Variants in CDH22 observed in about 807,000 individuals in gnomAD.
CDH22 encodes cadherin-22.
A neutral mutation model predicts 58.4 loss-of-function variants in CDH22; 30 were observed. The observed-to-expected ratio is 0.51, with a 90% CI of 0.38 to 0.70. The LOEUF is 0.70. CDH22 is among the 30% of genes least tolerant of loss of function. The pLI is 0.00. For synonymous variants in CDH22, 513 were observed against 558.2 expected, an observed-to-expected ratio of 0.92 and a Z score of 1.14; for missense variants, 1,014 against 1,233.9, an observed-to-expected ratio of 0.82 and a Z score of 2.67.
At chr20:46,201,676 A>G (rs1378092498) in intron 7 of CDH22, among the ~76,000 whole-genome samples, 1 of 152,186 alleles carries the variant, frequency 6.6e-6, no homozygotes, top group East Asian at 1.9e-4. Flanking sequence ...GGCAAACTAT[A>G]AAGGGATGTG....
In CDH22 at chr20:46,174,211, C is replaced by A; in HGVS notation, c.*295G>T. The A allele has an allele frequency of 9.3e-6, 4 of 431,100 alleles. No individual in the cohort carries two copies. In the South Asian group the frequency reaches 1.3e-4, roughly 14 times the overall value. The allele number at this position is 431,100 out of a possible 1,614,324, so 26.7% of individuals were successfully genotyped here. ...CCAGGATTGAGTGACCCGCCCCTTC[C>A]CGACTCTGCAACGCCACCCCCATCT... On this transcript the variant is annotated 3_prime_UTR_variant, in exon 12 of 12. Transcript: ENST00000537909. The surrounding 1 kb of genome is among the most constrained non-coding windows in gnomAD (Gnocchi z 4.4).
chr20:46,178,584 G>GTTTTTTTTT (rs2085759363), intron 10 of CDH22, among the ~76,000 whole-genome samples: 1 of 76,182 alleles, frequency 1.3e-5, no homozygotes, highest in Non-Finnish European at 2.7e-5. Flanking sequence ...CCCTGGCGTT[G>GTTTTTTTTT]TCTTTTTTTT....
intron 7 of CDH22, among the ~76,000 whole-genome samples, chr20:46,203,950 G>A (rs956487536): frequency 1.4e-4 from 21 of 152,238 alleles, no homozygotes; most frequent in African/African-American, 4.8e-4. Flanking sequence ...GTGGCAGCTC[G>A]TGTGTGTGTG....
chr20:46,258,114 A>T (rs951948437), intron 1 of CDH22, among the ~76,000 whole-genome samples: 4 of 152,118 alleles, frequency 2.6e-5, no homozygotes, highest in Admixed American at 1.3e-4. Flanking sequence ...TGACTTGACC[A>T]TTGGAGTTAG....
chr20:46,262,754 C>T (rs1404362080), intron 1 of CDH22, among the ~76,000 whole-genome samples: 5 of 152,190 alleles, frequency 3.3e-5, no homozygotes, highest in African/African-American at 7.2e-5. Flanking sequence ...AAGCCTGCAC[C>T]TTTAGCCACT....
chr20:46,212,871 TG>T, intron 6 of CDH22, 123 bp downstream of exon 6: 1 of 781,862 alleles, frequency 1.3e-6, no homozygotes, highest in Non-Finnish European at 2.1e-6. Flanking sequence ...AGGTTGGTCC[TG>T]GACCTCTAGA....
chr20:46,298,624 A>G (rs1273143301), intron 1 of CDH22, among the ~76,000 whole-genome samples: 1 of 151,928 alleles, frequency 6.6e-6, no homozygotes, highest in Non-Finnish European at 1.5e-5. Context: ...GGATAAATGG[A>G]TGGATTGATG....
At chr20:46,195,613 GA>G (rs2085893897) in intron 8 of CDH22, among the ~76,000 whole-genome samples, 1 of 136,510 alleles carries the variant, frequency 7.3e-6, no homozygotes, top group African/African-American at 2.9e-5. Context: ...GTCTCCCCTA[GA>G]CCCCCCCCCC....
intron 4 of CDH22, among the ~76,000 whole-genome samples, chr20:46,225,161 A>G (rs1300404985): frequency 1.3e-5 from 2 of 152,222 alleles, no homozygotes; most frequent in East Asian, 3.9e-4. Context: ...TTTCGGCATT[A>G]TCTATCGAGA....
chr20:46,251,439 C>G lies in CDH22; in HGVS notation c.-145G>C. 1.0e-6 allele frequency: 1 copy of G among 979,092 alleles called. No homozygotes were observed. The highest frequency in any genetic ancestry group is 1.3e-6 in the Non-Finnish European group (1 of 742,404). 60.7% of individuals were successfully genotyped at this position (979,092 alleles called of 1,614,324 possible). A position where few individuals can be genotyped will look rare whatever the true frequency, so the allele number is the denominator to read the frequency against. On this transcript the variant is annotated 5_prime_UTR_variant, in exon 2 of 12. Coordinates refer to ENST00000537909, the MANE Select transcript of CDH22 (RefSeq NM_021248.3). This position sits in a 1 kb window ranked among gnomAD's most constrained non-coding sequence, Gnocchi z 6.7. ...TGTCGCCCCCGACGGGGCACCCGGA[C>G]GGGCCCGCGGCCCTGAACGCCGCCC...
intron 1 of CDH22, among the ~76,000 whole-genome samples, chr20:46,305,854 C>T (rs1272234954): frequency 1.3e-5 from 2 of 152,240 alleles, no homozygotes; most frequent in African/African-American, 4.8e-5. Flanking sequence ...CCCTGTCAGA[C>T]AACTTCAGAA....
chr20:46,202,341 T>G (rs1315052477), intron 7 of CDH22, among the ~76,000 whole-genome samples: 1 of 151,076 alleles, frequency 6.6e-6, no homozygotes, highest in Non-Finnish European at 1.5e-5. Context: ...TTGGGGATTC[T>G]CTCCCAGAGT....
intron 10 of CDH22, among the ~76,000 whole-genome samples, chr20:46,182,607 A>C (rs977846629): frequency 1.3e-5 from 2 of 152,168 alleles, no homozygotes; most frequent in Admixed American, 1.3e-4. Context: ...TCAACCCTGA[A>C]TGCATCAAGC....
chr20:46,287,370 G>A lies in CDH22; in HGVS notation c.-400+20885C>T, dbSNP rs917522240. Among the ~76,000 whole-genome samples the A allele has an allele frequency of 3.9e-5, 6 of 152,296 alleles. No individual in the cohort carries two copies. In the Middle Eastern group the frequency reaches 0.01, roughly 259 times the overall value. On this transcript the variant is annotated intron_variant, in intron 1 of 11. Coordinates refer to ENST00000537909, the MANE Select transcript of CDH22 (RefSeq NM_021248.3). The stretch of plus-strand genomic sequence containing the variant: ...TCACGACTTCATTAAAACATGCGAT[G>A]ATGACTATAAAAGAAAGGTACAAGG...
chr20:46,209,111 CAG>C (rs1363099513), intron 7 of CDH22, among the ~76,000 whole-genome samples: 1 of 152,088 alleles, frequency 6.6e-6, no homozygotes, highest in Non-Finnish European at 1.5e-5. Flanking sequence ...CAGAGGAAGA[CAG>C]GGGATAGGAA....
intron 3 of CDH22, among the ~76,000 whole-genome samples, chr20:46,236,692 TAG>T (rs74174558): frequency 3.7e-4 from 53 of 143,950 alleles, no homozygotes; most frequent in South Asian, 4.3e-4. Context: ...TATATATACA[TAG>T]AGAGAGAGAG....
At chr20:46,229,296 C>T (rs1033994510) in intron 3 of CDH22, among the ~76,000 whole-genome samples, 3 of 148,878 alleles carry the variant, frequency 2.0e-5, no homozygotes, top group African/African-American at 7.3e-5. Context: ...GTGGCCCCCC[C>T]CCCCAATTTT....
At chr20:46,274,939 C>A (rs1407309512) in intron 1 of CDH22, among the ~76,000 whole-genome samples, 2 of 151,956 alleles carry the variant, frequency 1.3e-5, no homozygotes, top group Non-Finnish European at 2.9e-5. Context: ...CTGGTGCTGG[C>A]AGTAGGGATG....
rs528272892 is a variant in CDH22, at chr20:46,294,669, C to T, written c.-400+13586G>A. Among the ~76,000 whole-genome samples the T allele has an allele frequency of 5.9e-5, 9 of 152,300 alleles. No homozygotes were observed. The South Asian group carries it at 1.9e-3, about 32-fold the overall frequency. Reference sequence around the variant, plus strand: ...GTGCCCCAGTTTGTACAAACTCTCCCTTCTCCACAGGGCTCCCCCCAACCT... The same window carrying T: ...GTGCCCCAGTTTGTACAAACTCTCCTTTCTCCACAGGGCTCCCCCCAACCT... On this transcript the variant is annotated intron_variant, in intron 1 of 11. Transcript: ENST00000537909.
Sources: allele counts gnomAD v4.1 joint callset (sites outside exome capture counted in the v4.1 genomes callset), GRCh38; gene constraint gnomAD v4.1.1; non-coding constraint Gnocchi (gnomAD v3.1); transcripts MANE v1.5; gene names NCBI Gene and HGNC (gene_info 2026-07-23, HGNC 2026-07-21).